Variants in CHRNA7 observed in about 807,000 individuals in gnomAD.
CHRNA7 encodes the protein neuronal acetylcholine receptor subunit alpha-7.
CHRNA7 carries 17 observed loss-of-function variants against 48.0 expected under a neutral mutation model. The ratio of observed to expected loss-of-function variants is 0.35; its 90% CI spans 0.24 to 0.53. The LOEUF is 0.53. Among genes scored for constraint, CHRNA7 ranks in the 20% least tolerant of loss-of-function variants. The pLI is 0.92. For synonymous variants in CHRNA7, 75 were observed against 242.3 expected, an observed-to-expected ratio of 0.31 and a Z score of 6.41; for missense variants, 155 against 577.7, an observed-to-expected ratio of 0.27 and a Z score of 7.50.
intron 4 of CHRNA7, among the ~76,000 whole-genome samples, chr15:32,118,582 G>A (rs16956223): frequency 0.11 from 16,405 of 152,156 alleles, 968 homozygotes; most frequent in Middle Eastern, 0.15. Flanking sequence ...GTCATCCTCC[G>A]AACTGTCCAT....
At chr15:32,058,261 A>C (rs11071518) in intron 2 of CHRNA7, among the ~76,000 whole-genome samples, 5 of 152,178 alleles carry the variant, frequency 3.3e-5, no homozygotes, top group African/African-American at 1.2e-4. Flanking sequence ...AGTTAATGCA[A>C]ATTCCGTGGT....
chr15:32,088,780 T>A (rs2050338846), intron 2 of CHRNA7, among the ~76,000 whole-genome samples: 1 of 152,208 alleles, frequency 6.6e-6, no homozygotes, highest in African/African-American at 2.4e-5. Flanking sequence ...GGTTGTTTGT[T>A]AATGTATTGC....
intron 4 of CHRNA7, among the ~76,000 whole-genome samples, chr15:32,152,434 CT>C (rs1466425848): frequency 6.6e-6 from 1 of 152,042 alleles, no homozygotes; most frequent in African/African-American, 2.4e-5. Flanking sequence ...CAGAGCTAGA[CT>C]CCATTTCAAA....
chr15:32,048,605 C>G (rs973892147), intron 2 of CHRNA7, among the ~76,000 whole-genome samples: 58 of 151,744 alleles, frequency 3.8e-4, no homozygotes, highest in Non-Finnish European at 6.8e-4. Flanking sequence ...TTTTGTTGAT[C>G]CTTTCAAAAA....
At chr15:32,060,202 G>A (rs1358842083) in intron 2 of CHRNA7, among the ~76,000 whole-genome samples, 1 of 152,064 alleles carries the variant, frequency 6.6e-6, no homozygotes, top group Non-Finnish European at 1.5e-5. Flanking sequence ...TGAAACTTCA[G>A]AATTCACTCT....
Position 32,138,591 on chromosome 15 carries a change from GTGGGTTTGCACAGATGTATAATGACC to G in CHRNA7, c.351-15313_351-15288del, listed in dbSNP as rs962114305. Reference sequence around the variant, plus strand: ...TCTCTCTTGGTGGCGTATGGGTTCTGTGGGTTTGCACAGATGTATAATGACCTGTATCGACCATTATAGTATCATTC... The same window carrying G: ...TCTCTCTTGGTGGCGTATGGGTTCTGTGTATCGACCATTATAGTATCATTC... On this transcript the variant is annotated intron_variant, in intron 4 of 9. Coordinates refer to ENST00000306901, the MANE Select transcript of CHRNA7 (RefSeq NM_000746.6). Among the ~76,000 whole-genome samples, 9 of 152,044 alleles carry G rather than the reference GTGGGTTTGCACAGATGTATAATGACC, an allele frequency of 5.9e-5. No individual in the cohort carries two copies. The South Asian group carries it at 6.3e-4, about 11-fold the overall frequency.
intron 2 of CHRNA7, among the ~76,000 whole-genome samples, chr15:32,055,220 TTCTC>T (rs201235082): frequency 2.0e-5 from 3 of 152,038 alleles, no homozygotes; most frequent in African/African-American, 4.8e-5. Context: ...TCTTTACTAT[TTCTC>T]TCTCTCTTTT....
intron 4 of CHRNA7, among the ~76,000 whole-genome samples, chr15:32,125,058 C>T (rs2051041711): frequency 6.6e-6 from 1 of 152,152 alleles, no homozygotes; most frequent in Admixed American, 6.5e-5. Context: ...CTAGCCGGAG[C>T]CCTATGACAG....
chr15:32,118,737 C>T (rs964930454), intron 4 of CHRNA7, among the ~76,000 whole-genome samples: 1 of 151,982 alleles, frequency 6.6e-6, no homozygotes, highest in Non-Finnish European at 1.5e-5. Context: ...CCAGCCAGAC[C>T]CAAACCCACC....
At chr15:32,076,081 C>G (rs930764157) in intron 2 of CHRNA7, among the ~76,000 whole-genome samples, 1 of 151,964 alleles carries the variant, frequency 6.6e-6, no homozygotes, top group African/African-American at 2.4e-5. Flanking sequence ...GTTTTATGGT[C>G]CAGAGTATGG....
chr15:32,088,513 C>T (rs1431624025), intron 2 of CHRNA7, among the ~76,000 whole-genome samples: 1 of 152,164 alleles, frequency 6.6e-6, no homozygotes, highest in African/African-American at 2.4e-5. Flanking sequence ...GCCAAATCGT[C>T]TTCCAAAGTG....
chr15:32,149,677 T>C lies in CHRNA7; in HGVS notation c.351-4230T>C, dbSNP rs534656751. Among the ~76,000 whole-genome samples the C allele has an allele frequency of 6.6e-6, 1 of 152,304 alleles. No individual in the cohort carries two copies. The highest frequency in any genetic ancestry group is 1.9e-4 in the East Asian group (1 of 5,188). ...TTGGATTTTGATAACATTTATGTGT[T>C]ACAATTTCATGTAGCTCAATATTCT... is the stretch of plus-strand genomic sequence containing the variant. On this transcript the variant is annotated intron_variant, in intron 4 of 9. Transcript: ENST00000306901. This position sits in a 1 kb window ranked among gnomAD's most constrained non-coding sequence, Gnocchi z 4.6.
At chr15:32,165,767 T>TAACA (rs1209194081) in intron 9 of CHRNA7, 3 of 150,414 alleles carry the variant, frequency 2.0e-5, no homozygotes, top group African/African-American at 7.4e-5. Flanking sequence ...AACTGTAGCC[T>TAACA]AACAGAAGAG....
At chr15:32,053,141 A>G (rs1347225480) in intron 2 of CHRNA7, among the ~76,000 whole-genome samples, 3 of 152,214 alleles carry the variant, frequency 2.0e-5, no homozygotes, top group African/African-American at 4.8e-5. Context: ...TAAACCCACA[A>G]AATTCTTTTA....
chr15:32,031,106 TCG>T, intron 2 of CHRNA7, 69 bp downstream of exon 2: 4 of 1,593,042 alleles, frequency 2.5e-6, no homozygotes, highest in Non-Finnish European at 3.4e-6. Context: ...TTAGACAGCG[TCG>T]GGCGGCCAGG....
chr15:32,075,466 A>T (rs769579136), intron 2 of CHRNA7, among the ~76,000 whole-genome samples: 29 of 152,138 alleles, frequency 1.9e-4, no homozygotes, highest in Non-Finnish European at 4.0e-4. Flanking sequence ...TTTCGTCTAA[A>T]TCGTCCAATT....
chr15:32,152,313 C>T (rs1054634075), intron 4 of CHRNA7, among the ~76,000 whole-genome samples: 4 of 152,058 alleles, frequency 2.6e-5, no homozygotes, highest in Non-Finnish European at 4.4e-5. Context: ...AGTGGTGGCA[C>T]GCACCTGTAA....
At chr15:32,072,401 C>G (rs1215040803) in intron 2 of CHRNA7, among the ~76,000 whole-genome samples, 1 of 152,084 alleles carries the variant, frequency 6.6e-6, no homozygotes, top group Non-Finnish European at 1.5e-5. Flanking sequence ...TGCAGCCTGG[C>G]TGTGTGAAAG....
chr15:32,166,336 TC>T (rs1163269455), intron 9 of CHRNA7: 5 of 152,216 alleles, frequency 3.3e-5, no homozygotes, highest in African/African-American at 1.2e-4. Flanking sequence ...GGGCCATATG[TC>T]CCTGCTCCTT....
Sources: gnomAD v4.1 joint callset for allele counts (sites outside exome capture counted in the v4.1 genomes callset) on GRCh38, gnomAD v4.1.1 for gene constraint, Gnocchi (gnomAD v3.1) non-coding constraint, MANE v1.5 for transcripts, NCBI Gene and HGNC (gene_info 2026-07-23, HGNC 2026-07-21) for gene names.